The following NELL1 variants were observed in gnomAD, a reference collection of about 807,000 sequenced individuals.
NELL1 encodes the protein protein kinase C-binding protein NELL1.
A neutral mutation model predicts 107.4 loss-of-function variants in NELL1; 76 were observed. The observed-to-expected ratio is 0.71, with a 90% CI of 0.59 to 0.86. The LOEUF (loss-of-function observed/expected upper bound fraction) is 0.86, where lower values mean the gene tolerates loss of function less well. Among genes scored for constraint, NELL1 ranks in the 40% least tolerant of loss-of-function variants. The probability of loss-of-function intolerance (pLI) is 0.00; values close to 1 mark genes in which losing one functional copy is unlikely to be tolerated. For synonymous variants in NELL1, 353 were observed against 341.2 expected, an observed-to-expected ratio of 1.03 and a Z score of -0.38; for missense variants, 1,024 against 1,005.5, an observed-to-expected ratio of 1.02 and a Z score of -0.25.
chr11:21,410,427 G>A (rs1440206462), intron 15 of NELL1, among the ~76,000 whole-genome samples: 7 of 151,874 alleles, frequency 4.6e-5, no homozygotes, highest in African/African-American at 1.4e-4. Context: ...GGAAAGCAGA[G>A]GAGAGAAGAG....
rs543267300 is a variant in NELL1 at position 21,068,683 on chromosome 11, G to A, written c.1301-44906G>A. The stretch of plus-strand genomic sequence containing the variant: ...TGCTGAGCAAAAAGGCCAGTCCACC[G>A]ATAATGCAGATTGTTTGCTATTGAC... On this transcript the variant is annotated intron_variant, in intron 12 of 19. Transcript: ENST00000357134. 8.3e-4 allele frequency among the ~76,000 whole-genome samples: 127 copies of A among 152,312 alleles called. 1 individual carries two copies. The highest frequency in any genetic ancestry group is 3.0e-3 in the African/African-American group (123 of 41,568).
chr11:20,748,329 C>T (rs1856049696), intron 2 of NELL1, among the ~76,000 whole-genome samples: 1 of 152,208 alleles, frequency 6.6e-6, no homozygotes, highest in South Asian at 2.1e-4. Context: ...CATATTCCCT[C>T]ATGCCTCTTG....
At chr11:21,123,530 A>G (rs888982005) in intron 13 of NELL1, among the ~76,000 whole-genome samples, 1 of 151,926 alleles carries the variant, frequency 6.6e-6, no homozygotes, top group African/African-American at 2.4e-5. Flanking sequence ...AGATATATGG[A>G]TACACATATA....
chr11:20,821,065 G>A (rs2134024596), intron 3 of NELL1, among the ~76,000 whole-genome samples: 1 of 152,326 alleles, frequency 6.6e-6, no homozygotes, highest in East Asian at 1.9e-4. Context: ...GGAAGAGAAG[G>A]AAGCCATTAA....
intron 12 of NELL1, among the ~76,000 whole-genome samples, chr11:21,035,969 T>A (rs896738682): frequency 6.6e-6 from 1 of 152,132 alleles, no homozygotes; most frequent in Non-Finnish European, 1.5e-5. Flanking sequence ...GACTACATGA[T>A]CTTGTAAGTA....
intron 12 of NELL1, among the ~76,000 whole-genome samples, chr11:21,078,834 C>T (rs960345272): frequency 6.6e-6 from 1 of 151,968 alleles, no homozygotes; most frequent in African/African-American, 2.4e-5. Flanking sequence ...CAGGTACAAG[C>T]AAACTAATCG....
Position 20,677,923 on chromosome 11 carries a change from C to A in NELL1, c.56-9C>A. 1.2e-6 allele frequency: 2 copies of A among 1,613,854 alleles called. No homozygotes were observed. Among genetic ancestry groups the A allele is most frequent in the Non-Finnish European group, 1.7e-6 (2 of 1,179,800 alleles). On this transcript the variant is annotated splice_polypyrimidine_tract_variant and intron_variant, in intron 1 of 19. Transcript: ENST00000357134. The stretch of plus-strand genomic sequence containing the variant: ...TTTTAAGCCCAAACAACTCTTTGTT[C>A]CTTTCCAGTGGTGGGCTTTGGGATG...
intron 14 of NELL1, among the ~76,000 whole-genome samples, chr11:21,243,470 C>T (rs539207181): frequency 1.8e-4 from 28 of 152,168 alleles, no homozygotes; most frequent in Non-Finnish European, 3.4e-4. Flanking sequence ...AAAACTGAGT[C>T]TTGGTATCTT....
At chr11:21,167,129 T>G (rs1347271260) in intron 13 of NELL1, among the ~76,000 whole-genome samples, 1 of 151,834 alleles carries the variant, frequency 6.6e-6, no homozygotes, top group East Asian at 1.9e-4. Flanking sequence ...ATTGACCTAG[T>G]GAATCAATAT....
At chr11:20,878,462 A>G (rs898151543) in intron 4 of NELL1, among the ~76,000 whole-genome samples, 5 of 150,042 alleles carry the variant, frequency 3.3e-5, no homozygotes, top group Admixed American at 6.6e-5. Flanking sequence ...TTTCTCTGTT[A>G]GTGAGTTGTC....
chr11:21,084,528 G>A (rs79179977), intron 12 of NELL1, among the ~76,000 whole-genome samples: 22,194 of 152,126 alleles, frequency 0.15, 1,965 homozygotes, highest in Middle Eastern at 0.27. Context: ...GGTCAGAGAT[G>A]AGAGTCTCGC....
chr11:21,107,197 T>C (rs1854990111), intron 12 of NELL1, among the ~76,000 whole-genome samples: 1 of 152,162 alleles, frequency 6.6e-6, no homozygotes, highest in Non-Finnish European at 1.5e-5. Flanking sequence ...CGTGGTGTTG[T>C]ATATTTTTTG....
At chr11:21,423,672 A>G (rs1167226353) in intron 15 of NELL1, among the ~76,000 whole-genome samples, 2 of 152,174 alleles carry the variant, frequency 1.3e-5, no homozygotes, top group African/African-American at 4.8e-5. Context: ...ACAAAAGAAT[A>G]CACATTTTTC....
chr11:20,903,899 G>A (rs954925132), intron 5 of NELL1, among the ~76,000 whole-genome samples: 2 of 152,088 alleles, frequency 1.3e-5, no homozygotes, highest in Non-Finnish European at 2.9e-5. Flanking sequence ...TAAAACAGTA[G>A]GAAAGCTGTG....
intron 13 of NELL1, among the ~76,000 whole-genome samples, chr11:21,136,435 A>C (rs545881021): frequency 1.3e-3 from 195 of 152,324 alleles, no homozygotes; most frequent in Non-Finnish European, 2.1e-3. Flanking sequence ...TAGGATAGTC[A>C]CTATTGGTGA....
chr11:20,832,303 C>A (rs1858028343), intron 3 of NELL1, among the ~76,000 whole-genome samples: 1 of 152,178 alleles, frequency 6.6e-6, no homozygotes, highest in Non-Finnish European at 1.5e-5. Context: ...TTGCTTTATC[C>A]CAGTGTGACT....
At chr11:21,316,093 G>A (rs1445910426) in intron 14 of NELL1, among the ~76,000 whole-genome samples, 1 of 152,076 alleles carries the variant, frequency 6.6e-6, no homozygotes, top group East Asian at 1.9e-4. Context: ...TCAAAAATAT[G>A]TTGACTTATA....
At chr11:21,204,078 A>G (rs866609881) in intron 13 of NELL1, among the ~76,000 whole-genome samples, 8 of 152,054 alleles carry the variant, frequency 5.3e-5, no homozygotes, top group South Asian at 2.1e-4. Flanking sequence ...GAATCTGACA[A>G]TTATGTGTCT....
intron 14 of NELL1, among the ~76,000 whole-genome samples, chr11:21,311,763 A>G (rs186288093): frequency 1.2e-3 from 184 of 152,174 alleles, no homozygotes; most frequent in African/African-American, 4.3e-3. Context: ...TACTTTACAT[A>G]TTGTCTCAGT....
Sources: allele counts gnomAD v4.1 joint callset (sites outside exome capture counted in the v4.1 genomes callset), GRCh38; gene constraint gnomAD v4.1.1; transcripts MANE v1.5; gene names NCBI Gene and HGNC (gene_info 2026-07-23, HGNC 2026-07-21).